Variants in TTC29 observed in about 807,000 individuals in gnomAD.
The protein encoded by TTC29 is tetratricopeptide repeat domain 29.
A neutral mutation model predicts 58.1 loss-of-function variants in TTC29; 49 were observed. The ratio of observed to expected loss-of-function variants is 0.84; its 90% CI spans 0.67 to 1.07. The LOEUF (loss-of-function observed/expected upper bound fraction) is 1.07, where lower values mean the gene tolerates loss of function less well. TTC29 is among the 50% of genes least tolerant of loss of function. The pLI is 0.00. For synonymous variants in TTC29, 209 were observed against 196.8 expected, an observed-to-expected ratio of 1.06 and a Z score of -0.52; for missense variants, 582 against 555.6, an observed-to-expected ratio of 1.05 and a Z score of -0.48.
At chr4:146,823,977 C>T (rs938157339) in intron 9 of TTC29, among the ~76,000 whole-genome samples, 1 of 152,186 alleles carries the variant, frequency 6.6e-6, no homozygotes, top group African/African-American at 2.4e-5. Context: ...GTTGAAGTTG[C>T]TTCTCAGCTT....
intron 4 of TTC29, among the ~76,000 whole-genome samples, chr4:146,919,762 C>T (rs922080851): frequency 6.6e-6 from 1 of 151,008 alleles, no homozygotes; most frequent in Non-Finnish European, 1.5e-5. Flanking sequence ...TAGTTTTCTA[C>T]ACAGCATTAT....
intron 4 of TTC29, among the ~76,000 whole-genome samples, chr4:146,932,871 AT>A (rs538378595): frequency 5.4e-4 from 82 of 152,256 alleles, no homozygotes; most frequent in African/African-American, 1.9e-3. Context: ...CCTGGCCAAC[AT>A]GGTGAAACCC....
chr4:146,720,015 T>C (rs1743244056), intron 11 of TTC29, among the ~76,000 whole-genome samples: 1 of 152,164 alleles, frequency 6.6e-6, no homozygotes. Context: ...TCGATCCATT[T>C]ATTACAACAT....
intron 11 of TTC29, among the ~76,000 whole-genome samples, chr4:146,709,749 C>T (rs1287939249): frequency 2.0e-5 from 3 of 152,104 alleles, no homozygotes; most frequent in Middle Eastern, 3.2e-3. Context: ...AACCTCCCAA[C>T]CTCCACTTTT....
intron 4 of TTC29, among the ~76,000 whole-genome samples, chr4:146,932,234 T>C (rs998065133): frequency 1.3e-5 from 2 of 152,178 alleles, no homozygotes; most frequent in Admixed American, 6.5e-5. Flanking sequence ...AGCACCAAAA[T>C]CTTCTTTTCC....
chr4:146,860,370 C>T (rs1256646910), intron 8 of TTC29, among the ~76,000 whole-genome samples: 1 of 152,096 alleles, frequency 6.6e-6, no homozygotes, highest in African/African-American at 2.4e-5. Flanking sequence ...TTATTTTACA[C>T]ACATGATACA....
At chr4:146,898,029 TG>T (rs1354120892) in intron 6 of TTC29, among the ~76,000 whole-genome samples, 2 of 152,096 alleles carry the variant, frequency 1.3e-5, no homozygotes, top group Non-Finnish European at 2.9e-5. Context: ...TTGCTAAAGA[TG>T]GGATGGATAC....
At position 146,728,827 on chromosome 4, in the gene TTC29, A is replaced by ATATACACATATATATGTGTATATATACG. The variant is rs1744060353; in HGVS notation, c.1331-21277_1331-21276insCGTATATATACACATATATATGTGTATA. Among the ~76,000 whole-genome samples, 8 of 67,798 alleles carry ATATACACATATATATGTGTATATATACG rather than the reference A, an allele frequency of 1.2e-4. 2 individuals carry two copies. Among genetic ancestry groups the ATATACACATATATATGTGTATATATACG allele is most frequent in the East Asian group, 4.5e-4 (1 of 2,236 alleles). The allele number at this position is 67,798 out of a possible 152,430, so 44.5% of individuals were successfully genotyped here. A position where few individuals can be genotyped will look rare whatever the true frequency, so the allele number is the denominator to read the frequency against. ...TACACATATATATGTGTATATATAC[A>ATATACACATATATATGTGTATATATACG]TATATATACACATATATATGTATAT... is the stretch of plus-strand genomic sequence containing the variant. On this transcript the variant is annotated intron_variant, in intron 11 of 12. Coordinates refer to ENST00000325106, the MANE Select transcript of TTC29 (RefSeq NM_031956.4).
chr4:146,930,584 G>T (rs981011483), intron 4 of TTC29, among the ~76,000 whole-genome samples: 2 of 152,156 alleles, frequency 1.3e-5, no homozygotes, highest in Non-Finnish European at 2.9e-5. Flanking sequence ...CCAGGGAGAT[G>T]ATTTCTCCAT....
chr4:146,754,964 T>A (rs993036679), intron 11 of TTC29, among the ~76,000 whole-genome samples: 6 of 151,950 alleles, frequency 3.9e-5, no homozygotes. Context: ...AAAAATGATC[T>A]CTGTTTGCAG....
At chr4:146,885,881 T>C (rs894754123) in intron 6 of TTC29, among the ~76,000 whole-genome samples, 6 of 152,092 alleles carry the variant, frequency 3.9e-5, no homozygotes, top group Non-Finnish European at 5.9e-5. Flanking sequence ...TTATAAGAAG[T>C]GTTAAATGGT....
chr4:146,873,815 A>T (rs1731085305), intron 7 of TTC29, among the ~76,000 whole-genome samples: 1 of 152,192 alleles, frequency 6.6e-6, no homozygotes, highest in Non-Finnish European at 1.5e-5. Context: ...TAGTAAATTA[A>T]AATTACACCC....
intron 6 of TTC29, among the ~76,000 whole-genome samples, chr4:146,901,061 G>A (rs894731667): frequency 3.3e-5 from 5 of 152,090 alleles, no homozygotes; most frequent in Non-Finnish European, 7.4e-5. Context: ...GTAACTGACA[G>A]TTCCATTTGA....
chr4:146,752,914 A>T (rs1441078617), intron 11 of TTC29, among the ~76,000 whole-genome samples: 1 of 152,214 alleles, frequency 6.6e-6, no homozygotes, highest in African/African-American at 2.4e-5. Flanking sequence ...AGATGGATTA[A>T]AGACTTACAT....
chr4:146,764,061 A>G (rs191909612), intron 11 of TTC29: 1 of 152,218 alleles, frequency 6.6e-6, no homozygotes, highest in Admixed American at 6.5e-5. Context: ...CAAGTGCACA[A>G]CATGGAGGAT....
chr4:146,838,146 T>A (rs1728632978), intron 8 of TTC29, among the ~76,000 whole-genome samples: 1 of 152,012 alleles, frequency 6.6e-6, no homozygotes, highest in African/African-American at 2.4e-5. Flanking sequence ...ATGAAATAGA[T>A]GTACTTGGTA....
At chr4:146,928,011 A>T (rs1281002767) in intron 4 of TTC29, among the ~76,000 whole-genome samples, 1 of 152,214 alleles carries the variant, frequency 6.6e-6, no homozygotes, top group South Asian at 2.1e-4. Context: ...ATGGCAATAC[A>T]GTGCTATAAG....
chr4:146,765,745 G>C (rs1747264840), intron 11 of TTC29, among the ~76,000 whole-genome samples: 1 of 152,250 alleles, frequency 6.6e-6, no homozygotes, highest in South Asian at 2.1e-4. Flanking sequence ...TCATAAGACA[G>C]ACAGACCTGG....
intron 11 of TTC29, among the ~76,000 whole-genome samples, chr4:146,728,415 T>C (rs149409124): frequency 2.6e-5 from 4 of 152,064 alleles, no homozygotes; most frequent in Non-Finnish European, 5.9e-5. Flanking sequence ...CCTACACATA[T>C]ATAAGGCTTT....
Sources: gnomAD v4.1 joint callset for allele counts (sites outside exome capture counted in the v4.1 genomes callset) on GRCh38, gnomAD v4.1.1 for gene constraint, MANE v1.5 for transcripts, NCBI Gene and HGNC (gene_info 2026-07-23, HGNC 2026-07-21) for gene names.